ITGB4: variants seen among roughly 807,000 people sequenced by gnomAD.
ITGB4 encodes integrin beta-4.
ITGB4 carries 159 observed loss-of-function variants against 207.6 expected under a neutral mutation model. The ratio of observed to expected loss-of-function variants is 0.77; its 90% CI spans 0.67 to 0.87. The LOEUF is 0.87. ITGB4 is among the 40% of genes least tolerant of loss of function. ITGB4 has a pLI of 0.00. For missense variants in ITGB4, 2,278 were observed against 2,546.8 expected, an observed-to-expected ratio of 0.89 and a Z score of 2.27; for synonymous variants, 1,020 against 1,062.7, an observed-to-expected ratio of 0.96 and a Z score of 0.78.
Position 75,733,572 on chromosome 17 carries a change from T to C in ITGB4, c.1537T>C (p.Ser513Pro), listed in dbSNP as rs774672916. 2 of 1,614,036 alleles carry C rather than the reference T, an allele frequency of 1.2e-6. No individual in the cohort carries two copies. Among genetic ancestry groups the C allele is most frequent in the East Asian group, 4.5e-5 (2 of 44,886 alleles). The part of the protein sequence containing the change: ...CLREGEDKPC[S>P]GRGECQCGHC... ...GCGGGAGGGCGAGGACAAGCCGTGC[T>C]CCGGCCGTGGGGAGTGCCAGTGCGG... is the stretch of plus-strand genomic sequence containing the variant. The change falls in exon 13 of 40, where the codon TCC (serine) becomes CCC (proline). Residue 513 changes from serine to proline, a missense_variant. Physicochemically the swap from Ser to Pro is moderately conservative, Grantham distance 74. Coordinates refer to ENST00000200181, the MANE Select transcript of ITGB4 (RefSeq NM_000213.5).
In ITGB4 at chr17:75,727,243, G is replaced by T; in HGVS notation, c.128G>T (p.Arg43Leu). The change falls in exon 3 of 40, where the codon CGT becomes CTT. Residue 43 changes from arginine (R) to leucine (L), a missense_variant. By Grantham distance (102) the Arg-to-Leu change is moderately radical. Transcript: ENST00000200181. The surrounding 1 kb of genome is among the most constrained non-coding windows in gnomAD (Gnocchi z 6.0). ...GTGAAGAGCTGCACGGAGTGTGTCC[G>T]TGTGGATAAGGACTGCGCCTACTGC... ...APVKSCTECV[R>L]VDKDCAYCTD... 1.9e-6 allele frequency: 3 copies of T among 1,614,030 alleles called. No homozygotes were observed. The highest frequency in any genetic ancestry group is 1.1e-5 in the South Asian group (1 of 91,044).
chr17:75,746,911 A>G (rs1204420042), intron 26 of ITGB4, among the ~76,000 whole-genome samples: 1 of 146,158 alleles, frequency 6.8e-6, no homozygotes, highest in African/African-American at 2.5e-5. Context: ...CCTGGGTGAC[A>G]GAGTGAAACC....
At chr17:75,728,726 T>G (rs2060781206) in intron 6 of ITGB4, among the ~76,000 whole-genome samples, 1 of 152,130 alleles carries the variant, frequency 6.6e-6, no homozygotes. Flanking sequence ...GGTTCACGCC[T>G]GTAATCCTAG....
chr17:75,725,974 TG>T (rs764331500), intron 2 of ITGB4, among the ~76,000 whole-genome samples: 39 of 152,362 alleles, frequency 2.6e-4, no homozygotes, highest in African/African-American at 9.1e-4. Flanking sequence ...GAGGACCGTC[TG>T]GCTGGACCTG....
intron 12 of ITGB4, 60 bp from the exon 13 acceptor site, chr17:75,733,430 C>A: frequency 7.4e-7 from 1 of 1,342,888 alleles, no homozygotes; most frequent in Non-Finnish European, 1.1e-6. Flanking sequence ...TTAAATGGGA[C>A]AGCAAAAGCC....
chr17:75,733,107 G>A (rs2060897309), intron 12 of ITGB4, among the ~76,000 whole-genome samples: 4 of 145,792 alleles, frequency 2.7e-5, no homozygotes, highest in South Asian at 2.2e-4. Flanking sequence ...AAATAAAATA[G>A]GCCAGGCGCG....
chr17:75,728,800 C>T (rs1470689595), intron 6 of ITGB4, among the ~76,000 whole-genome samples: 3 of 151,936 alleles, frequency 2.0e-5, no homozygotes, highest in South Asian at 2.1e-4. Context: ...CTGGCTAACA[C>T]GGTGAAACCC....
chr17:75,728,349 A>C (rs748012248), intron 5 of ITGB4, 28 bp from the exon 6 acceptor site: 3 of 1,603,702 alleles, frequency 1.9e-6, no homozygotes, highest in South Asian at 2.2e-5. Flanking sequence ...GGGCTCAGCT[A>C]TCCCCTCTCT....
chr17:75,754,918 A>G (rs909917325), intron 34 of ITGB4, 103 bp downstream of exon 34: 2 of 1,565,518 alleles, frequency 1.3e-6, no homozygotes, highest in African/African-American at 1.4e-5. Flanking sequence ...CCATTCTCCA[A>G]CATACACACA....
chr17:75,724,372 C>T (rs2148450507), intron 1 of ITGB4, among the ~76,000 whole-genome samples: 1 of 152,338 alleles, frequency 6.6e-6, no homozygotes, highest in South Asian at 2.1e-4. Flanking sequence ...AGCTAAAAGG[C>T]AAAGAAGAAT....
chr17:75,748,399 G>A (rs111313553), intron 26 of ITGB4, among the ~76,000 whole-genome samples: 67 of 150,832 alleles, frequency 4.4e-4, no homozygotes, highest in African/African-American at 1.5e-3. Context: ...GCTGGGCATG[G>A]TGGCTCATGT....
intron 34 of ITGB4, chr17:75,755,287 C>T (rs2061470607): frequency 1.4e-6 from 2 of 1,481,394 alleles, no homozygotes; most frequent in Non-Finnish European, 1.8e-6. Context: ...TAGCAGCCGC[C>T]AGCTGTGCCC....
chr17:75,727,307 C>G lies in ITGB4; in HGVS notation c.162+30C>G, dbSNP rs1432466766. On this transcript the variant is annotated intron_variant, in intron 3 of 39. Coordinates refer to ENST00000200181, the MANE Select transcript of ITGB4 (RefSeq NM_000213.5). This position sits in a 1 kb window ranked among gnomAD's most constrained non-coding sequence, Gnocchi z 6.0. ...GGACCTGGCCCGGGTTGGTGTGGAA[C>G]AGGCAAGGGTCGGGAATAGCTGGTG... is the stretch of plus-strand genomic sequence containing the variant. 3 of 1,613,018 alleles carry G rather than the reference C, an allele frequency of 1.9e-6. No homozygotes were observed. Among genetic ancestry groups the G allele is most frequent in the Non-Finnish European group, 1.7e-6 (2 of 1,179,366 alleles).
intron 15 of ITGB4, 80 bp downstream of exon 15, chr17:75,736,466 T>C: frequency 6.2e-7 from 1 of 1,609,548 alleles, no homozygotes; most frequent in Non-Finnish European, 8.5e-7. Context: ...CTAAGCCTGA[T>C]GCCACAGGAG....
chr17:75,743,694 A>G lies in ITGB4; in HGVS notation c.2963-19A>G. The G allele has an allele frequency of 6.2e-7, 1 of 1,613,278 alleles. No homozygotes were observed. ...GACTGGGCCCAGCACACTCTGACAAATGCCCGGGCTCCTTGCAGCCAGAGA... is the reference window on the plus strand; with the variant it reads ...GACTGGGCCCAGCACACTCTGACAAGTGCCCGGGCTCCTTGCAGCCAGAGA... On this transcript the variant is annotated intron_variant, in intron 25 of 39. Transcript: ENST00000200181.
Position 75,754,605 on chromosome 17 carries a change from G to A in ITGB4, c.4348G>A (p.Ala1450Thr), listed in dbSNP as rs1285593799. 6.2e-7 allele frequency: 1 copy of A among 1,613,880 alleles called. No homozygotes were observed. The change falls in exon 34 of 40, where the codon GCC becomes ACC. Residue 1450 changes from alanine (A) to threonine (T), a missense_variant. Coordinates refer to ENST00000200181, the MANE Select transcript of ITGB4 (RefSeq NM_000213.5). ...EHLVNGRMDFAFPGSTNSLHR... is the reference protein window; with the variant it reads ...EHLVNGRMDFTFPGSTNSLHR... ...CCTGGTGAATGGCCGGATGGACTTT[G>A]CCTTCCCGGGCAGCACCAACTCCCT...
chr17:75,749,094 G>A, intron 27 of ITGB4, 49 bp downstream of exon 27: 4 of 1,485,708 alleles, frequency 2.7e-6, no homozygotes, highest in Non-Finnish European at 3.7e-6. Context: ...GGGAAGACTG[G>A]GGGGTCTCTC....
chr17:75,732,181 G>A lies in ITGB4; in HGVS notation c.1396G>A (p.Ala466Thr). The A allele has an allele frequency of 6.2e-7, 1 of 1,614,138 alleles. No individual in the cohort carries two copies. The change falls in exon 12 of 40, where the codon GCT becomes ACT. Residue 466 changes from alanine (A) to threonine (T), a missense_variant. By Grantham distance (58) the Ala-to-Thr change is moderately conservative. Transcript: ENST00000200181. The surrounding 1 kb of genome is among the most constrained non-coding windows in gnomAD (Gnocchi z 5.3). ...ATTCCAGCAAAAAGAGGTGCGGTCA[G>A]CTCGCTGCAGCTTCAACGGAGACTT... is the stretch of plus-strand genomic sequence containing the variant. ...TCELQKEVRS[A>T]RCSFNGDFVC...
At chr17:75,755,905 A>G in intron 35 of ITGB4, 55 bp downstream of exon 35, 1 of 1,573,790 alleles carries the variant, frequency 6.4e-7, no homozygotes. Context: ...GCCTGGCCCC[A>G]GTGTGACACA....
Sources: allele counts gnomAD v4.1 joint callset (sites outside exome capture counted in the v4.1 genomes callset), GRCh38; gene constraint gnomAD v4.1.1; non-coding constraint Gnocchi (gnomAD v3.1); transcripts MANE v1.5; gene names NCBI Gene and HGNC (gene_info 2026-07-23, HGNC 2026-07-21).